Variants in MAGI2 observed in about 807,000 individuals in gnomAD.
The protein encoded by MAGI2 is membrane associated guanylate kinase, WW and PDZ domain containing 2.
MAGI2 carries 35 observed loss-of-function variants against 133.3 expected under a neutral mutation model. That is an observed-to-expected ratio of 0.26 (90% CI 0.20 to 0.35). The LOEUF (loss-of-function observed/expected upper bound fraction) is 0.35. MAGI2 is among the 10% of genes least tolerant of loss of function. MAGI2 has a pLI of 1.00. For synonymous variants in MAGI2, 729 were observed against 710.6 expected (o/e 1.03, Z -0.41); for missense variants, 1,636 against 1,863.4 (o/e 0.88, Z 2.25).
chr7:78,602,138 T>C (rs1805270243), intron 3 of MAGI2, among the ~76,000 whole-genome samples: 1 of 152,134 alleles, frequency 6.6e-6, no homozygotes. Context: ...ACATTATAAT[T>C]TCAGGAGATT....
intron 1 of MAGI2, among the ~76,000 whole-genome samples, chr7:79,216,119 C>T (rs1448590626): frequency 1.3e-5 from 2 of 151,790 alleles, no homozygotes; most frequent in African/African-American, 4.9e-5. Context: ...GCTCCATAAG[C>T]AGATGGGCAG....
intron 9 of MAGI2, among the ~76,000 whole-genome samples, chr7:78,323,711 T>C (rs1487487347): frequency 6.6e-6 from 1 of 152,246 alleles, no homozygotes; most frequent in Non-Finnish European, 1.5e-5. Flanking sequence ...AATCTTCTTG[T>C]AATTCTAAAA....
In MAGI2 at chr7:78,632,670, A is replaced by ACAC. The variant is rs569517085; in HGVS notation, c.419-5432_419-5431insGTG. 1.6e-3 allele frequency among the ~76,000 whole-genome samples: 245 copies of ACAC among 152,368 alleles called. 2 individuals carry two copies. The highest frequency in any genetic ancestry group is 0.015 in the South Asian group (70 of 4,826). On this transcript the variant is annotated intron_variant, in intron 2 of 21. Transcript: ENST00000354212. ...ATCATTTTCAAAGGATAAACATGGC[A>ACAC]GTGCATGGTGTGTTCCAATGACTGG...
intron 1 of MAGI2, among the ~76,000 whole-genome samples, chr7:79,382,734 T>C (rs1279110989): frequency 6.6e-6 from 1 of 151,634 alleles, no homozygotes; most frequent in African/African-American, 2.4e-5. Context: ...ATAAAAACTC[T>C]ATATTGGAAT....
chr7:79,391,830 CACG>C (rs768182414), intron 1 of MAGI2, among the ~76,000 whole-genome samples: 108 of 151,990 alleles, frequency 7.1e-4, no homozygotes, highest in Middle Eastern at 3.4e-3. Context: ...ACTACAGGCG[CACG>C]CCACCACACC....
At chr7:78,526,124 T>C (rs1248241006) in intron 3 of MAGI2, among the ~76,000 whole-genome samples, 1 of 152,222 alleles carries the variant, frequency 6.6e-6, no homozygotes, top group African/African-American at 2.4e-5. Context: ...TTATATCTCT[T>C]TGACTTAAGA....
At chr7:78,998,291 C>T (rs1806508859) in intron 2 of MAGI2, among the ~76,000 whole-genome samples, 1 of 152,146 alleles carries the variant, frequency 6.6e-6, no homozygotes, top group African/African-American at 2.4e-5. Context: ...ACATTCCATA[C>T]TCAGAATAAT....
intron 6 of MAGI2, among the ~76,000 whole-genome samples, chr7:78,392,131 T>C (rs1795947911): frequency 6.6e-6 from 1 of 152,184 alleles, no homozygotes; most frequent in African/African-American, 2.4e-5. Flanking sequence ...ACCATCTACT[T>C]GGAGACGTAA....
At chr7:78,363,183 A>T (rs908356761) in intron 7 of MAGI2, among the ~76,000 whole-genome samples, 2 of 152,172 alleles carry the variant, frequency 1.3e-5, no homozygotes, top group African/African-American at 4.8e-5. Context: ...CATTTTCTGC[A>T]GCTACGGAAT....
At chr7:79,115,854 GTTTTTTTTT>G (rs59398227) in intron 1 of MAGI2, among the ~76,000 whole-genome samples, 6 of 93,946 alleles carry the variant, frequency 6.4e-5, no homozygotes, top group South Asian at 4.6e-4. Flanking sequence ...ATGTTTTAAA[GTTTTTTTTT>G]TTTTTTTTTT....
intron 9 of MAGI2, among the ~76,000 whole-genome samples, chr7:78,288,504 A>G (rs1404507180): frequency 6.6e-6 from 1 of 152,200 alleles, no homozygotes; most frequent in Non-Finnish European, 1.5e-5. Context: ...CAGTTCAAAG[A>G]TGCCCAAGTA....
At chr7:78,269,468 T>C (rs1363414203) in intron 9 of MAGI2, among the ~76,000 whole-genome samples, 1 of 152,220 alleles carries the variant, frequency 6.6e-6, no homozygotes, top group Admixed American at 6.5e-5. Context: ...TTTTTAATGA[T>C]TGCCATTCTA....
intron 7 of MAGI2, among the ~76,000 whole-genome samples, chr7:78,367,848 G>A (rs17150618): frequency 0.57 from 87,258 of 151,962 alleles, 25,543 homozygotes; most frequent in Middle Eastern, 0.67. Context: ...TTTAAAACAT[G>A]TAGGTACTTT....
At chr7:78,973,964 A>G (rs1350295453) in intron 2 of MAGI2, among the ~76,000 whole-genome samples, 1 of 151,832 alleles carries the variant, frequency 6.6e-6, no homozygotes, top group Non-Finnish European at 1.5e-5. Context: ...CAAAGTAGTT[A>G]GGGAATGCTA....
rs773204837 is a variant in MAGI2 at position 78,178,153 on chromosome 7, C to T, written c.2312-51G>A. 5.3e-6 allele frequency: 6 copies of T among 1,134,478 alleles called. No individual in the cohort carries two copies. In the Admixed American group the frequency reaches 8.5e-5, roughly 16 times the overall value. The allele number at this position is 1,134,478 out of a possible 1,614,324, so 70.3% of individuals were successfully genotyped here. ...TAATGAATCCTGCCTCTTTCCCAGC[C>T]CCTGAGGAACTGAACATACCAATGA... On this transcript the variant is annotated intron_variant, in intron 13 of 21. Coordinates refer to ENST00000354212, the MANE Select transcript of MAGI2 (RefSeq NM_012301.4).
chr7:78,821,609 T>C (rs1051232858), intron 2 of MAGI2, among the ~76,000 whole-genome samples: 7 of 152,030 alleles, frequency 4.6e-5, no homozygotes, highest in African/African-American at 1.4e-4. Flanking sequence ...TTTAAACATG[T>C]CATGTGAAAA....
intron 1 of MAGI2, among the ~76,000 whole-genome samples, chr7:79,450,895 A>C (rs1432968281): frequency 6.6e-6 from 1 of 152,148 alleles, no homozygotes; most frequent in Non-Finnish European, 1.5e-5. Context: ...AATGAAAGTA[A>C]AGCTGCTTCA....
chr7:78,312,228 A>AC (rs1554338293), intron 9 of MAGI2, among the ~76,000 whole-genome samples: 13 of 151,820 alleles, frequency 8.6e-5, no homozygotes, highest in African/African-American at 2.4e-4. Flanking sequence ...ATTTTGAAAC[A>AC]TTTTTTTTCT....
chr7:78,166,124 G>A (rs1294624344), intron 15 of MAGI2, among the ~76,000 whole-genome samples: 3 of 152,122 alleles, frequency 2.0e-5, no homozygotes, highest in African/African-American at 7.2e-5. Context: ...GCATCTTTAC[G>A]GAAGTCACAT....
Sources: allele counts gnomAD v4.1 joint callset (sites outside exome capture counted in the v4.1 genomes callset), GRCh38; gene constraint gnomAD v4.1.1; transcripts MANE v1.5; gene names NCBI Gene and HGNC (gene_info 2026-07-23, HGNC 2026-07-21).